The following ALDH6A1 variants were observed in gnomAD, a reference collection of about 807,000 sequenced individuals.
The protein encoded by ALDH6A1 is methylmalonate-semialdehyde/malonate-semialdehyde dehydrogenase [acylating], mitochondrial.
A neutral mutation model predicts 62.6 loss-of-function variants in ALDH6A1; 43 were observed. That is an observed-to-expected ratio of 0.69 (90% CI 0.54 to 0.89). ALDH6A1 has a LOEUF of 0.89. Ranked by LOEUF, ALDH6A1 falls within the 40% of genes least tolerant of loss-of-function variation. ALDH6A1 has a pLI of 0.00. For synonymous variants in ALDH6A1, 194 were observed against 234.2 expected, an observed-to-expected ratio of 0.83 and a Z score of 1.57; for missense variants, 551 against 661.3, an observed-to-expected ratio of 0.83 and a Z score of 1.83.
At chr14:74,061,118 C>T (rs2060330715) in intron 11 of ALDH6A1, among the ~76,000 whole-genome samples, 1 of 151,376 alleles carries the variant, frequency 6.6e-6, no homozygotes, top group Non-Finnish European at 1.5e-5. Context: ...GCTGGGATTA[C>T]AGGCACCTGC....
Position 74,074,945 on chromosome 14 carries a change from A to G in ALDH6A1, c.111+10T>C, listed in dbSNP as rs369958390. Reference sequence around the variant, plus strand: ...TCTCAGAAGTCAACCTCTATGCCAAATAAACTCACCACTGAAGAAGAGAAG... The same window carrying G: ...TCTCAGAAGTCAACCTCTATGCCAAGTAAACTCACCACTGAAGAAGAGAAG... On this transcript the variant is annotated intron_variant, in intron 2 of 11. Transcript: ENST00000553458. 13 of 1,613,682 alleles carry G rather than the reference A, an allele frequency of 8.1e-6. No homozygotes were observed. In the African/African-American group the frequency reaches 1.6e-4, roughly 20 times the overall value.
Position 74,071,350 on chromosome 14 carries a change from G to T in ALDH6A1, c.575C>A (p.Pro192His). 1 of 1,614,126 alleles carries T rather than the reference G, an allele frequency of 6.2e-7. No individual in the cohort carries two copies. The highest frequency in any genetic ancestry group is 8.5e-7 in the Non-Finnish European group (1 of 1,180,024). ...IAPFNFPAMI[P>H]LWMFPMAMVC... ...CATGGCCATGGGAAACATCCAAAGG[G>T]GGATCATGGCAGGAAAATTGAATGG... Residue 192 changes from proline to histidine, a missense_variant, in exon 6 of 12, where the codon CCC becomes CAC. Pro to His is a moderately conservative substitution (Grantham distance 77). Transcript: ENST00000553458.
chr14:74,059,190 A>G lies in ALDH6A1; in HGVS notation c.*1452T>C, dbSNP rs2060285748. The G allele has an allele frequency of 9.0e-6, 2 of 222,446 alleles. No individual in the cohort carries two copies. The highest frequency in any genetic ancestry group is 9.9e-5 in the South Asian group (2 of 20,178). 13.8% of individuals were successfully genotyped at this position (222,446 alleles called of 1,614,324 possible). On this transcript the variant is annotated 3_prime_UTR_variant, in exon 12 of 12. Coordinates refer to ENST00000553458, the MANE Select transcript of ALDH6A1 (RefSeq NM_005589.4). ...ACTTTATGTCATGGAAAGCTTCGAA[A>G]TTTCTTAGGCCCAGTTAATTGCTCT... is the stretch of plus-strand genomic sequence containing the variant.
At chr14:74,084,247 G>A in intron 1 of ALDH6A1, 100 bp downstream of exon 1, 1 of 1,566,666 alleles carries the variant, frequency 6.4e-7, no homozygotes, top group Non-Finnish European at 8.7e-7. Flanking sequence ...CCAAAAAGGG[G>A]TTGGGCCAAG....
chr14:74,080,522 C>T (rs575102528), intron 1 of ALDH6A1, among the ~76,000 whole-genome samples: 1 of 152,204 alleles, frequency 6.6e-6, no homozygotes, highest in Admixed American at 6.5e-5. Context: ...TGCACACGAC[C>T]TCGCTCTCAG....
rs115521528 is a variant in ALDH6A1 at position 74,077,387 on chromosome 14, G to C, written c.49-2370C>G. Among the ~76,000 whole-genome samples, 1,097 of 152,260 alleles carry C rather than the reference G, an allele frequency of 7.2e-3. 14 individuals carry two copies. Among genetic ancestry groups the C allele is most frequent in the African/African-American group, 0.025 (1,043 of 41,542 alleles). On this transcript the variant is annotated intron_variant, in intron 1 of 11. Transcript: ENST00000553458. ...TTTGTGTTGCTATAACAAAATACCT[G>C]AGACTGGGCAATTTATAAGGAAAAG...
chr14:74,075,980 T>C (rs2060608690), intron 1 of ALDH6A1, among the ~76,000 whole-genome samples: 1 of 152,212 alleles, frequency 6.6e-6, no homozygotes, highest in South Asian at 2.1e-4. Context: ...ATAATAAAAG[T>C]ACATACTGTA....
intron 2 of ALDH6A1, among the ~76,000 whole-genome samples, chr14:74,073,068 A>G (rs1049486748): frequency 5.9e-5 from 9 of 152,090 alleles, no homozygotes; most frequent in Non-Finnish European, 8.8e-5. Flanking sequence ...CCAAAGTGCT[A>G]GGATTACAGG....
At position 74,060,227 on chromosome 14, in the gene ALDH6A1, TG is replaced by T. The variant is rs2060309916; in HGVS notation, c.*414del. The T allele has an allele frequency of 5.9e-6, 1 of 168,704 alleles. No homozygotes were observed. Among genetic ancestry groups the T allele is most frequent in the Admixed American group, 5.7e-5 (1 of 17,480 alleles). The allele number at this position is 168,704 out of a possible 1,614,324, so 10.5% of individuals were successfully genotyped here. On this transcript the variant is annotated 3_prime_UTR_variant, in exon 12 of 12. Coordinates refer to ENST00000553458, the MANE Select transcript of ALDH6A1 (RefSeq NM_005589.4). ...GGGTTTCGCCACGTTCTTCAACTCC[TG>T]GGCTCAAGCAATCTGCCCACTGTGG... is the stretch of plus-strand genomic sequence containing the variant.
At chr14:74,070,767 A>G (rs1595124179) in intron 6 of ALDH6A1, 1 of 188,966 alleles carries the variant, frequency 5.3e-6, no homozygotes, top group East Asian at 1.5e-4. Flanking sequence ...GGTGATTATA[A>G]AGATTAATAG....
intron 2 of ALDH6A1, among the ~76,000 whole-genome samples, chr14:74,073,828 G>A (rs5025651): frequency 0.24 from 36,114 of 148,962 alleles, 4,915 homozygotes; most frequent in South Asian, 0.46. Flanking sequence ...TGAGGCAGGA[G>A]AATCACTTGA....
At chr14:74,067,613 T>C (rs2060488654) in intron 7 of ALDH6A1, 44 bp from the exon 8 acceptor site, 2 of 1,599,274 alleles carry the variant, frequency 1.3e-6, no homozygotes, top group Middle Eastern at 3.3e-4. Flanking sequence ...CTTGGCCAAA[T>C]ACAACTAAGC....
At chr14:74,066,998 T>C in intron 8 of ALDH6A1, 112 bp from the exon 9 acceptor site, 1 of 1,043,948 alleles carries the variant, frequency 9.6e-7, no homozygotes, top group Non-Finnish European at 1.5e-6. Context: ...GGAGGACTGC[T>C]TGAGCCCAGG....
At chr14:74,081,171 C>T (rs2060664309) in intron 1 of ALDH6A1, 1 of 152,224 alleles carries the variant, frequency 6.6e-6, no homozygotes, top group Admixed American at 6.5e-5. Context: ...CTTTATTTCT[C>T]ATCTCACGCT....
At chr14:74,069,717 C>T (rs930472517) in intron 6 of ALDH6A1, among the ~76,000 whole-genome samples, 14 of 152,076 alleles carry the variant, frequency 9.2e-5, no homozygotes, top group Non-Finnish European at 1.6e-4. Flanking sequence ...TGTGCCATTG[C>T]GCCTCAGCCT....
chr14:74,066,636 A>T, intron 9 of ALDH6A1, 69 bp downstream of exon 9: 1 of 1,401,066 alleles, frequency 7.1e-7, no homozygotes, highest in Non-Finnish European at 1.0e-6. Flanking sequence ...TTAATAAATT[A>T]GAGGGATGAG....
intron 9 of ALDH6A1, 25 bp from the exon 10 acceptor site, chr14:74,065,385 A>G: frequency 6.2e-7 from 1 of 1,611,620 alleles, no homozygotes; most frequent in South Asian, 1.1e-5. Context: ...GCATCCAGAA[A>G]AGAAGTCAGC....
At chr14:74,072,156 A>G (rs773757872) in intron 4 of ALDH6A1, 47 bp downstream of exon 4, 1 of 1,613,476 alleles carries the variant, frequency 6.2e-7, no homozygotes, top group South Asian at 1.1e-5. Flanking sequence ...AGTGACAAAC[A>G]TGCCCTAGGT....
At position 74,064,863 on chromosome 14, in the gene ALDH6A1, G is replaced by T. The variant is rs1410668144; in HGVS notation, c.1462C>A (p.Arg488=). The T allele has an allele frequency of 6.2e-7, 1 of 1,614,040 alleles. No individual in the cohort carries two copies. The highest frequency in any genetic ancestry group is 8.5e-7 in the Non-Finnish European group (1 of 1,180,004). ...PLPMFSFTGS[R]SSFRGDTNFY... is the part of the protein sequence containing the mutation. ...TTGGTGTCTCCCCTGAAGGAGGATCGAGAGCCGGTGAATGAGAACATTGGC... is the reference window on the plus strand; with the variant it reads ...TTGGTGTCTCCCCTGAAGGAGGATCTAGAGCCGGTGAATGAGAACATTGGC... The change falls in exon 11 of 12, where the codon CGA becomes AGA. Residue 488 remains arginine, a synonymous_variant. Transcript: ENST00000553458.
Sources: gnomAD v4.1 joint callset for allele counts (sites outside exome capture counted in the v4.1 genomes callset) on GRCh38, gnomAD v4.1.1 for gene constraint, MANE v1.5 for transcripts, NCBI Gene and HGNC (gene_info 2026-07-23, HGNC 2026-07-21) for gene names.